Variants in FAM184B observed in about 807,000 individuals in gnomAD.
FAM184B encodes the protein family with sequence similarity 184 member B.
FAM184B carries 111 observed loss-of-function variants against 135.9 expected under a neutral mutation model. The observed-to-expected ratio is 0.82, with a 90% CI of 0.70 to 0.96. The LOEUF (loss-of-function observed/expected upper bound fraction) is 0.96. FAM184B is among the 40% of genes least tolerant of loss of function. The pLI is 0.00. For synonymous variants in FAM184B, 552 were observed against 524.8 expected (o/e 1.05, Z -0.71); for missense variants, 1,375 against 1,323.9 (o/e 1.04, Z -0.60).
chr4:17,643,641 C>G (rs756631492), intron 12 of FAM184B, among the ~76,000 whole-genome samples: 1 of 152,212 alleles, frequency 6.6e-6, no homozygotes, highest in East Asian at 1.9e-4. Context: ...TAGACCTAAC[C>G]ACTGGGCTAA....
Position 17,632,640 on chromosome 4 carries a change from A to C in FAM184B, c.3090-15T>G. On this transcript the variant is annotated splice_polypyrimidine_tract_variant and intron_variant, in intron 17 of 17. Transcript: ENST00000265018. ...CATCTGGGGTCCTAAAAGCAAAAAA[A>C]GGTTTTTTTATATGGTTTTGAAAAC... The C allele has an allele frequency of 6.5e-7, 1 of 1,529,148 alleles. No homozygotes were observed. The highest frequency in any genetic ancestry group is 8.9e-7 in the Non-Finnish European group (1 of 1,129,808). The allele number at this position is 1,529,148 out of a possible 1,614,324, so 94.7% of individuals were successfully genotyped here. A position where few individuals can be genotyped will look rare whatever the true frequency, so the allele number is the denominator to read the frequency against.
chr4:17,748,103 G>GAAAA (rs58795222), intron 1 of FAM184B, among the ~76,000 whole-genome samples: 13 of 70,318 alleles, frequency 1.8e-4, no homozygotes, highest in African/African-American at 6.6e-4. Context: ...GACTCCGTCT[G>GAAAA]AAAAAAAAAA....
At position 17,766,276 on chromosome 4, in the gene FAM184B, G is replaced by A. The variant is rs372903500; in HGVS notation, c.141+14883C>T. 9.9e-5 allele frequency among the ~76,000 whole-genome samples: 15 copies of A among 152,250 alleles called. No homozygotes were observed. In the East Asian group the frequency reaches 2.3e-3, roughly 24 times the overall value. ...GTTTTGACAGGGTGCTGATTGGTGC[G>A]TTTACAATCCCTGAGCTAGACACAA... On this transcript the variant is annotated intron_variant, in intron 1 of 17. Coordinates refer to ENST00000265018, the MANE Select transcript of FAM184B (RefSeq NM_015688.2).
chr4:17,709,751 G>T, intron 1 of FAM184B, 107 bp from the exon 2 acceptor site: 1 of 1,036,740 alleles, frequency 9.6e-7, no homozygotes, highest in Non-Finnish European at 1.3e-6. Flanking sequence ...TGCACAAGTG[G>T]CACCTGAGAA....
chr4:17,655,016 T>A (rs1174608301), intron 10 of FAM184B, among the ~76,000 whole-genome samples: 1 of 152,196 alleles, frequency 6.6e-6, no homozygotes, highest in East Asian at 1.9e-4. Flanking sequence ...TCCACCTGGC[T>A]AATTTTTTTT....
chr4:17,750,010 G>A (rs755969314), intron 1 of FAM184B, among the ~76,000 whole-genome samples: 4 of 152,172 alleles, frequency 2.6e-5, no homozygotes, highest in Admixed American at 6.5e-5. Flanking sequence ...CTATGTTGAA[G>A]TTTATTTTCA....
At chr4:17,760,748 T>C (rs570340878) in intron 1 of FAM184B, among the ~76,000 whole-genome samples, 29 of 152,308 alleles carry the variant, frequency 1.9e-4, no homozygotes, top group African/African-American at 6.7e-4. Context: ...CCCTAAATCC[T>C]CCTTGGAAAC....
intron 1 of FAM184B, among the ~76,000 whole-genome samples, chr4:17,771,849 T>C (rs973258551): frequency 3.3e-5 from 5 of 152,204 alleles, no homozygotes; most frequent in Non-Finnish European, 7.3e-5. Context: ...TGAACATCTG[T>C]CAGGCTTCAG....
intron 14 of FAM184B, among the ~76,000 whole-genome samples, chr4:17,638,171 G>T: frequency 5.2e-5 from 3 of 57,288 alleles, no homozygotes; most frequent in Non-Finnish European, 1.1e-4. Flanking sequence ...TTTGAGACAG[G>T]GTCTATTTTT....
chr4:17,677,162 C>T (rs1471762631), intron 7 of FAM184B, among the ~76,000 whole-genome samples: 4 of 152,158 alleles, frequency 2.6e-5, no homozygotes, highest in Non-Finnish European at 4.4e-5. Context: ...ATCTTCCCAC[C>T]TCAGCCTCCC....
intron 1 of FAM184B, among the ~76,000 whole-genome samples, chr4:17,775,538 A>G (rs1482721107): frequency 6.6e-6 from 1 of 152,236 alleles, no homozygotes; most frequent in East Asian, 1.9e-4. Context: ...AGTAAACTTA[A>G]CATCAATAGA....
chr4:17,663,132 T>C (rs1406942451), intron 8 of FAM184B, among the ~76,000 whole-genome samples: 1 of 152,140 alleles, frequency 6.6e-6, no homozygotes, highest in Non-Finnish European at 1.5e-5. Flanking sequence ...AGACAGGGTT[T>C]TGCCATGTTG....
At chr4:17,636,408 G>C in intron 15 of FAM184B, 120 bp downstream of exon 15, 6 of 802,778 alleles carry the variant, frequency 7.5e-6, no homozygotes, top group Non-Finnish European at 1.2e-5. Context: ...CGGCAAGAAA[G>C]GATTCTTTGT....
At chr4:17,646,272 A>G (rs944334320) in intron 12 of FAM184B, among the ~76,000 whole-genome samples, 2 of 151,556 alleles carry the variant, frequency 1.3e-5, no homozygotes, top group African/African-American at 4.8e-5. Flanking sequence ...ATAAAGACAC[A>G]TGCACACGTA....
intron 10 of FAM184B, among the ~76,000 whole-genome samples, chr4:17,653,367 C>T (rs1460438005): frequency 6.6e-6 from 1 of 152,156 alleles, no homozygotes; most frequent in East Asian, 1.9e-4. Flanking sequence ...TGCCCCAGGA[C>T]TAGTGTGGTG....
At chr4:17,701,427 AAAC>A (rs1310138412) in intron 5 of FAM184B, among the ~76,000 whole-genome samples, 1 of 152,204 alleles carries the variant, frequency 6.6e-6, no homozygotes, top group Non-Finnish European at 1.5e-5. Context: ...TGAAGTGGAA[AAAC>A]AACAACAGAG....
intron 1 of FAM184B, among the ~76,000 whole-genome samples, chr4:17,765,838 C>G (rs777909744): frequency 2.6e-5 from 4 of 152,146 alleles, no homozygotes; most frequent in Non-Finnish European, 4.4e-5. Flanking sequence ...CAGATGTGTT[C>G]TGAGTTTCTT....
chr4:17,696,005 G>T (rs934485601), intron 5 of FAM184B, among the ~76,000 whole-genome samples: 1 of 152,154 alleles, frequency 6.6e-6, no homozygotes, highest in Non-Finnish European at 1.5e-5. Flanking sequence ...ATATCCAGCA[G>T]GTATTTGTAG....
rs554394619 is a variant in FAM184B at position 17,715,397 on chromosome 4, C to T, written c.142-5753G>A. Among the ~76,000 whole-genome samples the T allele has an allele frequency of 5.9e-4, 90 of 152,174 alleles. 1 individual carries two copies. Among genetic ancestry groups the T allele is most frequent in the Middle Eastern group, 3.4e-3 (1 of 294 alleles). ...GGCTGAGGCAGGAGAATCACTTGAA[C>T]GCGGGAGGTGGAGGTTGCAGTGAGC... On this transcript the variant is annotated intron_variant, in intron 1 of 17. Coordinates refer to ENST00000265018, the MANE Select transcript of FAM184B (RefSeq NM_015688.2).
Sources: allele counts gnomAD v4.1 joint callset (sites outside exome capture counted in the v4.1 genomes callset), GRCh38; gene constraint gnomAD v4.1.1; transcripts MANE v1.5; gene names NCBI Gene and HGNC (gene_info 2026-07-23, HGNC 2026-07-21).